LPA: variants seen among roughly 807,000 people sequenced by gnomAD.
LPA encodes apolipoprotein(a).
A neutral mutation model predicts 197.9 loss-of-function variants in LPA; 199 were observed. The observed-to-expected ratio is 1.01, with a 90% CI of 0.90 to 1.13. The LOEUF is 1.13. Ranked by LOEUF, LPA falls within the 50% of genes most tolerant of loss-of-function variation. The pLI, the probability that LPA is intolerant of heterozygous loss-of-function variation, is 0.00. For missense variants in LPA, 1,853 were observed against 1,785.8 expected (o/e 1.04, Z -0.68); for synonymous variants, 715 against 639.5 (o/e 1.12, Z -1.78).
intron 28 of LPA, among the ~76,000 whole-genome samples, chr6:160,570,581 A>G (rs192916063): frequency 6.4e-4 from 97 of 152,276 alleles, no homozygotes; most frequent in African/African-American, 2.2e-3. Flanking sequence ...ACATGTATAC[A>G]TATGTAACAA....
At chr6:160,568,144 C>T (rs1040259799) in intron 28 of LPA, among the ~76,000 whole-genome samples, 1 of 152,160 alleles carries the variant, frequency 6.6e-6, no homozygotes, top group Non-Finnish European at 1.5e-5. Context: ...TTTTATGAGG[C>T]CAGCATCATC....
At chr6:160,572,745 T>C (rs1339179310) in intron 28 of LPA, among the ~76,000 whole-genome samples, 2 of 152,230 alleles carry the variant, frequency 1.3e-5, no homozygotes, top group African/African-American at 4.8e-5. Context: ...CAATCCTTTA[T>C]AGCTTGTACA....
intron 33 of LPA, among the ~76,000 whole-genome samples, chr6:160,544,253 G>A (rs1778028258): frequency 6.6e-6 from 1 of 152,076 alleles, no homozygotes; most frequent in African/African-American, 2.4e-5. Context: ...AGAGGCAGTG[G>A]CGTGTACTAG....
At position 160,540,103 on chromosome 6, in the gene LPA, T is replaced by C. The variant is rs759236772; in HGVS notation, c.5675A>G (p.Glu1892Gly). 5 of 1,614,002 alleles carry C rather than the reference T, an allele frequency of 3.1e-6. No homozygotes were observed. Among genetic ancestry groups the C allele is most frequent in the Admixed American group, 3.3e-5 (2 of 59,994 alleles). ...GGGCTCCAAGAACAGCCTAGACACT[T>C]CTATTTCCTGAACATGAGATTCGAG... ...VNLESHVQEI[E>G]VSRLFLEPTQ... The change falls in exon 36 of 39, where the codon GAA becomes GGA. Residue 1892 changes from glutamate (E) to glycine (G), a missense_variant. Physicochemically the swap from Glu to Gly is moderately conservative, Grantham distance 98. Around this residue, in one of 3 missense-constraint regions of LPA, gnomAD observed 1,737 missense variants for 1,504.4 expected, o/e 1.15. Coordinates refer to ENST00000316300, the MANE Select transcript of LPA (RefSeq NM_005577.4).
chr6:160,593,934 T>G, intron 22 of LPA, 24 bp downstream of exon 22: 1 of 1,612,740 alleles, frequency 6.2e-7, no homozygotes, highest in Non-Finnish European at 8.5e-7. Flanking sequence ...GCTGTCTGTC[T>G]TTGAAGAAAA....
chr6:160,556,972 T>C (rs1364734216), intron 29 of LPA, among the ~76,000 whole-genome samples: 1 of 152,130 alleles, frequency 6.6e-6, no homozygotes, highest in African/African-American at 2.4e-5. Flanking sequence ...TATCATCATA[T>C]TAGGTTTCCC....
At chr6:160,565,237 G>A (rs532997582) in intron 28 of LPA, among the ~76,000 whole-genome samples, 67 of 152,224 alleles carry the variant, frequency 4.4e-4, no homozygotes, top group Middle Eastern at 3.4e-3. Context: ...AAGTGGGTCC[G>A]TGACCCCCGA....
chr6:160,555,491 A>G (rs1778247138), intron 30 of LPA, among the ~76,000 whole-genome samples: 1 of 144,260 alleles, frequency 6.9e-6, no homozygotes, highest in Admixed American at 7.1e-5. Flanking sequence ...ATATATGAAT[A>G]CTAGTCTGTA....
Position 160,646,655 on chromosome 6 carries a change from AAC to A in LPA, c.210-262_210-261del, listed in dbSNP as rs1259305125. 2.5e-5 allele frequency among the ~76,000 whole-genome samples: 3 copies of A among 122,444 alleles called. No homozygotes were observed. The East Asian group carries it at 6.7e-4, about 27-fold the overall frequency. 80.3% of individuals were successfully genotyped at this position (122,444 alleles called of 152,430 possible). On this transcript the variant is annotated intron_variant, in intron 2 of 38. Transcript: ENST00000316300. ...AAACGCTTCTTAGAAACACTGAGAT[AAC>A]ACACACACGTGGCCGAAAAACGATC... is the stretch of plus-strand genomic sequence containing the variant.
chr6:160,556,560 A>G (rs1778267183), intron 29 of LPA, among the ~76,000 whole-genome samples: 1 of 152,134 alleles, frequency 6.6e-6, no homozygotes. Context: ...TAGGGGACAG[A>G]CATGAAAACC....
rs1247925244 is a variant in LPA, at chr6:160,635,515, T to A, written c.894-211A>T. Among the ~76,000 whole-genome samples the A allele has an allele frequency of 4.1e-3, 475 of 115,582 alleles. 62 individuals carry two copies. The highest frequency in any genetic ancestry group is 6.7e-3 in the Non-Finnish European group (370 of 54,816). The allele number at this position is 115,582 out of a possible 152,430, so 75.8% of individuals were successfully genotyped here. A position where few individuals can be genotyped will look rare whatever the true frequency, so the allele number is the denominator to read the frequency against. ...TACTTAATAGATTATTACTATTTTT[T>A]TTAAATAAAAAATCTAAAGTAGCAA... On this transcript the variant is annotated intron_variant, in intron 6 of 38. Coordinates refer to ENST00000316300, the MANE Select transcript of LPA (RefSeq NM_005577.4).
chr6:160,611,470 T>C, intron 16 of LPA, 92 bp downstream of exon 16: 2 of 1,555,350 alleles, frequency 1.3e-6, no homozygotes, highest in Admixed American at 1.7e-5. Context: ...CTGACACAAG[T>C]TGAGTTCGGA....
chr6:160,611,051 C>G (rs553241833), intron 16 of LPA, among the ~76,000 whole-genome samples: 88 of 152,070 alleles, frequency 5.8e-4, no homozygotes, highest in Non-Finnish European at 7.7e-4. Flanking sequence ...CTGGGAACCT[C>G]TATCCTTTCA....
intron 28 of LPA, among the ~76,000 whole-genome samples, chr6:160,573,996 G>A (rs761899804): frequency 1.3e-5 from 2 of 152,128 alleles, no homozygotes; most frequent in Non-Finnish European, 2.9e-5. Context: ...CTACCAGGGT[G>A]GGTAGGGAAG....
chr6:160,581,693 CT>C (rs1156536386), intron 26 of LPA, among the ~76,000 whole-genome samples: 3 of 152,036 alleles, frequency 2.0e-5, no homozygotes, highest in African/African-American at 4.8e-5. Context: ...GTTTTTTATT[CT>C]TTTTAAAGAT....
rs1224998440 is a variant in LPA at position 160,595,512 on chromosome 6, C to T, written c.3311G>A (p.Arg1104Lys). The change falls in exon 21 of 39, where the codon AGG (arginine) becomes AAG (lysine). Residue 1104 changes from arginine to lysine, a missense_variant. Transcript: ENST00000316300. ...AGGGCGAATCTCAGCATCTGGATTC[C>T]TGCAGTAGTTCCTGGTCAGGCCACT... ...PNAGLTRNYCRNPDAEIRPWC... is the reference protein window; with the variant it reads ...PNAGLTRNYCKNPDAEIRPWC... The T allele has an allele frequency of 2.5e-6, 4 of 1,613,998 alleles. No individual in the cohort carries two copies. The South Asian group carries it at 3.3e-5, about 13-fold the overall frequency.
At chr6:160,568,189 TG>T (rs1337825783) in intron 28 of LPA, among the ~76,000 whole-genome samples, 1 of 151,920 alleles carries the variant, frequency 6.6e-6, no homozygotes, top group Admixed American at 6.6e-5. Context: ...ACAACAAAAA[TG>T]AGAATTTTAG....
At chr6:160,655,272 G>A (rs55913921) in intron 1 of LPA, among the ~76,000 whole-genome samples, 1,583 of 152,242 alleles carry the variant, frequency 0.01, 24 homozygotes, top group African/African-American at 0.036. Context: ...GAAGTGGCAG[G>A]GCCTTGCTCC....
chr6:160,570,254 G>C (rs943863418), intron 28 of LPA, among the ~76,000 whole-genome samples: 1 of 152,228 alleles, frequency 6.6e-6, no homozygotes, highest in African/African-American at 2.4e-5. Flanking sequence ...ATCAATGGTA[G>C]ACTGGATTAA....
Sources: gnomAD v4.1 joint callset for allele counts (sites outside exome capture counted in the v4.1 genomes callset) on GRCh38, gnomAD v4.1.1 for gene constraint, gnomAD v4.1.1 regional missense constraint, MANE v1.5 for transcripts, NCBI Gene and HGNC (gene_info 2026-07-23, HGNC 2026-07-21) for gene names.